SYT10: variants seen among roughly 807,000 people sequenced by gnomAD.
SYT10 encodes the protein synaptotagmin-10.
Under a neutral mutation model 51.1 loss-of-function variants are expected in SYT10, and 31 were observed. The observed-to-expected ratio is 0.61, with a 90% CI of 0.46 to 0.82. SYT10 has a LOEUF of 0.82. Among genes scored for constraint, SYT10 ranks in the 40% least tolerant of loss-of-function variants. The probability of loss-of-function intolerance (pLI) is 0.00; values close to 1 mark genes in which losing one functional copy is unlikely to be tolerated. For missense variants in SYT10, 603 were observed against 634.0 expected, an observed-to-expected ratio of 0.95 and a Z score of 0.53; for synonymous variants, 233 against 225.9, an observed-to-expected ratio of 1.03 and a Z score of -0.28.
At chr12:33,403,014 T>C (rs549989759) in intron 3 of SYT10, among the ~76,000 whole-genome samples, 1 of 152,210 alleles carries the variant, frequency 6.6e-6, no homozygotes, top group African/African-American at 2.4e-5. Context: ...ATACACCAGC[T>C]AGTGCTTTTC....
At chr12:33,414,227 T>A (rs1223993177) in intron 2 of SYT10, among the ~76,000 whole-genome samples, 2 of 152,106 alleles carry the variant, frequency 1.3e-5, no homozygotes, top group Admixed American at 6.6e-5. Flanking sequence ...TCCCCCACAA[T>A]AATAATTGGA....
At chr12:33,413,084 T>C (rs974533276) in intron 2 of SYT10, among the ~76,000 whole-genome samples, 1 of 152,142 alleles carries the variant, frequency 6.6e-6, no homozygotes, top group African/African-American at 2.4e-5. Context: ...AGGGTATCAG[T>C]GACTGAAGAT....
Position 33,376,743 on chromosome 12 carries a change from A to G in SYT10, c.*87T>C, listed in dbSNP as rs1332850999. 1.4e-6 allele frequency: 2 copies of G among 1,471,732 alleles called. No individual in the cohort carries two copies. Among genetic ancestry groups the G allele is most frequent in the African/African-American group, 2.8e-5 (2 of 71,536 alleles). 91.2% of individuals were successfully genotyped at this position (1,471,732 alleles called of 1,614,324 possible). Reference sequence around the variant, plus strand: ...GTTCATTAGTACGGATATATTTCAAATGAGGAAACCAAACCTTCCACTTTT... The same window carrying G: ...GTTCATTAGTACGGATATATTTCAAGTGAGGAAACCAAACCTTCCACTTTT... On this transcript the variant is annotated 3_prime_UTR_variant, in exon 7 of 7. Coordinates refer to ENST00000228567, the MANE Select transcript of SYT10 (RefSeq NM_198992.4).
chr12:33,384,999 T>G (rs979553982), intron 4 of SYT10, among the ~76,000 whole-genome samples, 172 bp downstream of exon 4: 2 of 152,234 alleles, frequency 1.3e-5, no homozygotes, highest in African/African-American at 4.8e-5. Flanking sequence ...AATTTCATAA[T>G]GATAACATAT....
In SYT10 at chr12:33,376,207, C is replaced by T. The variant is rs1866060574; in HGVS notation, c.*623G>A. 6.6e-6 allele frequency: 1 copy of T among 152,126 alleles called. No homozygotes were observed. The highest frequency in any genetic ancestry group is 2.4e-5 in the African/African-American group (1 of 41,430). 9.4% of individuals were successfully genotyped at this position (152,126 alleles called of 1,614,324 possible). The stretch of plus-strand genomic sequence containing the variant: ...TCTTAAATTTATATTCAAAATGATT[C>T]TTTAAATTTACAGCTTTGTCTATGT... On this transcript the variant is annotated 3_prime_UTR_variant, in exon 7 of 7. Transcript: ENST00000228567.
chr12:33,398,939 G>A (rs1396354086), intron 3 of SYT10, among the ~76,000 whole-genome samples: 1 of 152,194 alleles, frequency 6.6e-6, no homozygotes, highest in Non-Finnish European at 1.5e-5. Context: ...ATAAAGAAAT[G>A]TGGGTTTGTT....
intron 2 of SYT10, among the ~76,000 whole-genome samples, chr12:33,425,422 A>G (rs1866542075): frequency 6.6e-6 from 1 of 152,180 alleles, no homozygotes; most frequent in Admixed American, 6.5e-5. Context: ...TAATACAATT[A>G]GAATATACTG....
chr12:33,407,225 T>C lies in SYT10; in HGVS notation c.641A>G (p.Tyr214Cys), dbSNP rs754013975. The stretch of plus-strand genomic sequence containing the variant: ...CTCAGAGTCAACTGATTTCTGTTTG[T>C]AGAGTTCTGGCTTTATCCTCCCAAT... ...TSIGRIKPEL[Y>C]KQKSVDSEGN... The change falls in exon 3 of 7, where the codon TAC becomes TGC. Residue 214 changes from tyrosine to cysteine, a missense_variant. Coordinates refer to ENST00000228567, the MANE Select transcript of SYT10 (RefSeq NM_198992.4). 48 of 1,614,102 alleles carry C rather than the reference T, an allele frequency of 3.0e-5. No homozygotes were observed. In the Admixed American group the frequency reaches 6.7e-4, roughly 22 times the overall value.
intron 3 of SYT10, among the ~76,000 whole-genome samples, chr12:33,402,836 C>T (rs1307683070): frequency 6.6e-6 from 1 of 151,974 alleles, no homozygotes; most frequent in Non-Finnish European, 1.5e-5. Flanking sequence ...TTAAAAACAA[C>T]AATCACAAAA....
Position 33,382,349 on chromosome 12 carries a change from C to A in SYT10, c.1370G>T (p.Arg457Met). 1 of 1,591,768 alleles carries A rather than the reference C, an allele frequency of 6.3e-7. No individual in the cohort carries two copies. Among genetic ancestry groups the A allele is most frequent in the South Asian group, 1.1e-5 (1 of 87,172 alleles). The change falls in exon 5 of 7, where the codon AGG (arginine) becomes ATG (methionine). Residue 457 changes from arginine to methionine, a missense_variant and splice_region_variant. Physicochemically the swap from Arg to Met is moderately conservative, Grantham distance 91 (BLOSUM62 -1). Transcript: ENST00000228567. ...TCAGTGAGAAGAGAGATACACATAC[C>A]TATCGTAATCCATGACCGCAATGGA... ...SLSIAVMDYDRVGHNEVIGVC... is the reference protein window; with the variant it reads ...SLSIAVMDYDMVGHNEVIGVC...
At chr12:33,390,665 T>TAC (rs141814457) in intron 3 of SYT10, among the ~76,000 whole-genome samples, 3,083 of 151,662 alleles carry the variant, frequency 0.02, 107 homozygotes, top group African/African-American at 0.068. Context: ...TGTATGTGTA[T>TAC]ACACACACAC....
chr12:33,429,358 T>G (rs986503708), intron 1 of SYT10, among the ~76,000 whole-genome samples: 2 of 152,200 alleles, frequency 1.3e-5, no homozygotes, highest in Non-Finnish European at 2.9e-5. Context: ...TTGGGAATAG[T>G]TTGGGATATT....
chr12:33,380,773 G>T (rs1382347260), intron 5 of SYT10, among the ~76,000 whole-genome samples: 7 of 152,178 alleles, frequency 4.6e-5, no homozygotes, highest in African/African-American at 1.7e-4. Flanking sequence ...GACAGGAGCT[G>T]AATCAAAGGA....
intron 3 of SYT10, among the ~76,000 whole-genome samples, chr12:33,398,490 G>C (rs1866276581): frequency 6.6e-6 from 1 of 152,112 alleles, no homozygotes; most frequent in Admixed American, 6.5e-5. Context: ...TCCAGCTTGG[G>C]TGACAGACCG....
Position 33,407,010 on chromosome 12 carries a change from G to C in SYT10, c.856C>G (p.Arg286Gly). 1.2e-6 allele frequency: 2 copies of C among 1,614,046 alleles called. No individual in the cohort carries two copies. The highest frequency in any genetic ancestry group is 1.7e-6 in the Non-Finnish European group (2 of 1,180,006). ...LPDRKKKFQT[R>G]VHRKTLNPLF... ...GGATTTAAAGTCTTTCTGTGCACGC[G>C]GGTCTGAAATTTCTTTTTCCTATCT... The change falls in exon 3 of 7, where the codon CGC becomes GGC. Residue 286 changes from arginine (R) to glycine (G), a missense_variant. Arg to Gly is a moderately radical substitution (Grantham distance 125). Transcript: ENST00000228567.
At chr12:33,393,901 A>G (rs536576332) in intron 3 of SYT10, among the ~76,000 whole-genome samples, 1 of 152,278 alleles carries the variant, frequency 6.6e-6, no homozygotes, top group Admixed American at 6.5e-5. Flanking sequence ...CTTCATTATT[A>G]TCTGTCTTCT....
At chr12:33,411,680 AT>A (rs200532704) in intron 2 of SYT10, among the ~76,000 whole-genome samples, 1,954 of 152,274 alleles carry the variant, frequency 0.013, 37 homozygotes, top group African/African-American at 0.044. Flanking sequence ...TTATGACTCA[AT>A]ATTTTAGTTT....
At chr12:33,380,516 GACA>G (rs1866105202) in intron 5 of SYT10, among the ~76,000 whole-genome samples, 1 of 152,098 alleles carries the variant, frequency 6.6e-6, no homozygotes, top group South Asian at 2.1e-4. Flanking sequence ...AAACATACTG[GACA>G]ACATTTGTAT....
At chr12:33,431,159 T>C (rs1360864395) in intron 1 of SYT10, among the ~76,000 whole-genome samples, 1 of 152,066 alleles carries the variant, frequency 6.6e-6, no homozygotes, top group Non-Finnish European at 1.5e-5. Flanking sequence ...AAGAAGAAGA[T>C]GGAAAAAGGG....
Sources: gnomAD v4.1 joint callset for allele counts (sites outside exome capture counted in the v4.1 genomes callset) on GRCh38, gnomAD v4.1.1 for gene constraint, MANE v1.5 for transcripts, NCBI Gene and HGNC (gene_info 2026-07-23, HGNC 2026-07-21) for gene names.